CYP2C19: variants seen among roughly 807,000 people sequenced by gnomAD.
CYP2C19 encodes the protein cytochrome P450 2C19.
CYP2C19 carries 59 observed loss-of-function variants against 40.9 expected under a neutral mutation model. The observed-to-expected ratio is 1.44, with a 90% CI of 1.17 to 1.79. CYP2C19 has a LOEUF of 1.79. Ranked by LOEUF, CYP2C19 falls within the 40% of genes most tolerant of loss-of-function variation. The pLI is 0.00. For synonymous variants in CYP2C19, 253 were observed against 208.7 expected, an observed-to-expected ratio of 1.21 and a Z score of -1.83; for missense variants, 754 against 596.9, an observed-to-expected ratio of 1.26 and a Z score of -2.74.
In CYP2C19 at chr10:94,797,051, G is replaced by T. The variant is rs535095075; in HGVS notation, c.819+15054G>T. Among the ~76,000 whole-genome samples, 5 of 152,154 alleles carry T rather than the reference G, an allele frequency of 3.3e-5. No homozygotes were observed. The South Asian group carries it at 8.3e-4, about 25-fold the overall frequency. On this transcript the variant is annotated intron_variant, in intron 5 of 8. Transcript: ENST00000371321. ...GCGTTGAATAGGAGTGGTGAGAGAG[G>T]GCATCCCTGACTTGTGCCAGTTTTC...
chr10:94,794,810 C>T (rs574993891), intron 5 of CYP2C19, among the ~76,000 whole-genome samples: 10 of 151,860 alleles, frequency 6.6e-5, no homozygotes, highest in South Asian at 2.1e-4. Context: ...TGGGCTGAGA[C>T]GATGGTTTTT....
intron 1 of CYP2C19, among the ~76,000 whole-genome samples, chr10:94,769,489 C>T (rs758823567): frequency 2.6e-5 from 4 of 152,154 alleles, no homozygotes; most frequent in Non-Finnish European, 5.9e-5. Flanking sequence ...TATTCTGCTT[C>T]CTCTGGTATT....
At chr10:94,848,475 C>T (rs1212378127) in intron 7 of CYP2C19, among the ~76,000 whole-genome samples, 5 of 152,168 alleles carry the variant, frequency 3.3e-5, no homozygotes, top group Admixed American at 6.5e-5. Context: ...GTTTTGGTTA[C>T]TGTAGCCTTG....
At chr10:94,828,178 T>C (rs1179027737) in intron 6 of CYP2C19, among the ~76,000 whole-genome samples, 1 of 152,126 alleles carries the variant, frequency 6.6e-6, no homozygotes, top group African/African-American at 2.4e-5. Flanking sequence ...GCCTATTAGG[T>C]CCGCTTGGTG....
intron 3 of CYP2C19, chr10:94,776,556 C>T (rs939233141): frequency 1.3e-5 from 2 of 152,120 alleles, no homozygotes; most frequent in Non-Finnish European, 2.9e-5. Flanking sequence ...CTGTTCAATG[C>T]CTTGCTATTC....
At chr10:94,799,451 A>C (rs1564668883) in intron 5 of CYP2C19, among the ~76,000 whole-genome samples, 1 of 151,972 alleles carries the variant, frequency 6.6e-6, no homozygotes, top group Non-Finnish European at 1.5e-5. Context: ...CCTTCATTTC[A>C]ACTTTGGTGA....
chr10:94,818,207 C>A (rs569652068), intron 5 of CYP2C19, among the ~76,000 whole-genome samples: 3 of 144,818 alleles, frequency 2.1e-5, no homozygotes, highest in Admixed American at 1.4e-4. Flanking sequence ...TGTAGGTATG[C>A]GGCGTTATTT....
intron 5 of CYP2C19, among the ~76,000 whole-genome samples, chr10:94,811,805 C>G (rs1223880058): frequency 6.6e-6 from 1 of 151,926 alleles, no homozygotes; most frequent in African/African-American, 2.4e-5. Context: ...GAATACAGCA[C>G]ATTGATGGGT....
At chr10:94,783,899 A>T (rs1848508138) in intron 5 of CYP2C19, among the ~76,000 whole-genome samples, 2 of 152,180 alleles carry the variant, frequency 1.3e-5, no homozygotes, top group Admixed American at 1.3e-4. Flanking sequence ...ATGCCATTTT[A>T]AAAATTGAAG....
At chr10:94,820,991 G>T (rs915294190) in intron 6 of CYP2C19, among the ~76,000 whole-genome samples, 2 of 152,156 alleles carry the variant, frequency 1.3e-5, no homozygotes, top group Admixed American at 1.3e-4. Flanking sequence ...GCTGAGGCAT[G>T]GGAATCGCTT....
chr10:94,824,542 C>G (rs1180206147), intron 6 of CYP2C19, among the ~76,000 whole-genome samples: 1 of 152,166 alleles, frequency 6.6e-6, no homozygotes, highest in Non-Finnish European at 1.5e-5. Flanking sequence ...ATGCGTAAAT[C>G]TGTTAGCATA....
Position 94,822,125 on chromosome 10 carries a change from T to G in CYP2C19, c.961+1488T>G, listed in dbSNP as rs573899528. 2.0e-5 allele frequency among the ~76,000 whole-genome samples: 3 copies of G among 152,314 alleles called. No homozygotes were observed. In the South Asian group the frequency reaches 6.2e-4, roughly 32 times the overall value. On this transcript the variant is annotated intron_variant, in intron 6 of 8. Coordinates refer to ENST00000371321, the MANE Select transcript of CYP2C19 (RefSeq NM_000769.4). ...AGTGCTGCAAAAGACATGATTTTTG[T>G]TCTTTTTTATGGCTGCATAGTATTC...
intron 6 of CYP2C19, among the ~76,000 whole-genome samples, chr10:94,833,007 A>G (rs1452771439): frequency 6.6e-6 from 1 of 152,010 alleles, no homozygotes; most frequent in African/African-American, 2.4e-5. Context: ...TAGGTATTTT[A>G]TTTTATATAT....
chr10:94,772,167 T>A (rs909661500), intron 1 of CYP2C19, among the ~76,000 whole-genome samples: 2 of 152,180 alleles, frequency 1.3e-5, no homozygotes, highest in Non-Finnish European at 2.9e-5. Flanking sequence ...CCTTTTGTCC[T>A]CATTTATATG....
rs58897479 is a variant in CYP2C19 at position 94,827,270 on chromosome 10, C to T, written c.961+6633C>T. On this transcript the variant is annotated intron_variant, in intron 6 of 8. Transcript: ENST00000371321. Reference sequence around the variant, plus strand: ...TCCTCCTTGTACCTCTGGTAGAATTCGGCTGTGAATCCGTCTGGTCCTGGA... The same window carrying T: ...TCCTCCTTGTACCTCTGGTAGAATTTGGCTGTGAATCCGTCTGGTCCTGGA... Among the ~76,000 whole-genome samples the T allele has an allele frequency of 5.0e-3, 764 of 152,064 alleles. 5 individuals are homozygous for T. Among genetic ancestry groups the T allele is most frequent in the African/African-American group, 0.013 (518 of 41,400 alleles).
intron 6 of CYP2C19, among the ~76,000 whole-genome samples, chr10:94,832,159 G>T (rs920257010): frequency 6.6e-6 from 1 of 152,114 alleles, no homozygotes; most frequent in African/African-American, 2.4e-5. Flanking sequence ...TTGATGAGAT[G>T]GTCTTTCCCC....
At chr10:94,812,156 A>G (rs1476883432) in intron 5 of CYP2C19, among the ~76,000 whole-genome samples, 1 of 152,098 alleles carries the variant, frequency 6.6e-6, no homozygotes, top group Non-Finnish European at 1.5e-5. Context: ...CTGGATATGA[A>G]ATTCTGGGTT....
chr10:94,767,037 T>C (rs1848255109), intron 1 of CYP2C19, among the ~76,000 whole-genome samples: 2 of 152,184 alleles, frequency 1.3e-5, no homozygotes, highest in Admixed American at 6.5e-5. Flanking sequence ...AGAAGTTATA[T>C]CTTTGACCAA....
chr10:94,777,247 A>G (rs1040350817), intron 3 of CYP2C19, among the ~76,000 whole-genome samples: 8 of 152,192 alleles, frequency 5.3e-5, no homozygotes, highest in African/African-American at 1.9e-4. Context: ...TATAGGTTCA[A>G]TGCTATTCCC....
Sources: allele counts gnomAD v4.1 joint callset (sites outside exome capture counted in the v4.1 genomes callset), GRCh38; gene constraint gnomAD v4.1.1; transcripts MANE v1.5; gene names NCBI Gene and HGNC (gene_info 2026-07-23, HGNC 2026-07-21).